PDE3A: variants seen among roughly 807,000 people sequenced by gnomAD.
PDE3A encodes the protein phosphodiesterase 3A.
PDE3A carries 43 observed loss-of-function variants against 98.3 expected under a neutral mutation model. The observed-to-expected ratio is 0.44, with a 90% CI of 0.34 to 0.56. The LOEUF is 0.56. PDE3A is among the 20% of genes least tolerant of loss of function. PDE3A has a pLI of 0.01. For synonymous variants in PDE3A, 663 were observed against 567.9 expected (o/e 1.17, Z -2.38); for missense variants, 1,427 against 1,440.7 (o/e 0.99, Z 0.15).
intron 1 of PDE3A, among the ~76,000 whole-genome samples, chr12:20,508,762 A>G (rs1946163921): frequency 6.6e-6 from 1 of 150,994 alleles, no homozygotes. Flanking sequence ...CAATTTTCTG[A>G]TTCTTTTTGT....
At chr12:20,460,560 G>C (rs910588016) in intron 1 of PDE3A, among the ~76,000 whole-genome samples, 2 of 152,124 alleles carry the variant, frequency 1.3e-5, no homozygotes, top group Non-Finnish European at 2.9e-5. Flanking sequence ...TAAGCTTTTG[G>C]AATAATATGA....
chr12:20,413,319 G>A (rs10770651), intron 1 of PDE3A, among the ~76,000 whole-genome samples: 93,909 of 152,026 alleles, frequency 0.62, 30,788 homozygotes, highest in East Asian at 0.88. Flanking sequence ...GCAAGCTTGT[G>A]CAACCCACCA....
chr12:20,636,691 C>T (rs34944086), intron 8 of PDE3A, among the ~76,000 whole-genome samples: 33,130 of 152,014 alleles, frequency 0.22, 3,780 homozygotes, highest in Middle Eastern at 0.27. Context: ...AGGGAACCCT[C>T]ATCTCAGAAA....
intron 1 of PDE3A, among the ~76,000 whole-genome samples, chr12:20,515,617 G>A (rs1016951686): frequency 7.9e-5 from 12 of 152,196 alleles, no homozygotes; most frequent in Non-Finnish European, 2.9e-5. Flanking sequence ...CACTGGACAC[G>A]TGGAGTATTC....
chr12:20,642,903 A>T (rs1944677103), intron 10 of PDE3A, among the ~76,000 whole-genome samples: 1 of 152,232 alleles, frequency 6.6e-6, no homozygotes, highest in East Asian at 1.9e-4. Flanking sequence ...GCATAGGAGC[A>T]TAGACAAAAT....
intron 1 of PDE3A, among the ~76,000 whole-genome samples, chr12:20,554,694 C>T (rs1942320858): frequency 6.6e-6 from 1 of 151,816 alleles, no homozygotes; most frequent in Non-Finnish European, 1.5e-5. Context: ...TCAAGCGATT[C>T]TCCTGCCTCA....
chr12:20,636,038 G>A (rs1361488720), intron 8 of PDE3A, among the ~76,000 whole-genome samples: 1 of 152,138 alleles, frequency 6.6e-6, no homozygotes, highest in Non-Finnish European at 1.5e-5. Context: ...AGAAAAGAAA[G>A]ATGAAGGAAG....
chr12:20,523,834 GA>G (rs1195930443), intron 1 of PDE3A, among the ~76,000 whole-genome samples: 1 of 152,208 alleles, frequency 6.6e-6, no homozygotes, highest in Non-Finnish European at 1.5e-5. Flanking sequence ...TCACTTCGTA[GA>G]AAAGTTCTTT....
chr12:20,457,090 C>T (rs1591952349), intron 1 of PDE3A, among the ~76,000 whole-genome samples: 1 of 72,400 alleles, frequency 1.4e-5, no homozygotes, highest in Admixed American at 1.3e-4. Flanking sequence ...ATAAAACAAA[C>T]AAAACCTGAC....
rs1945906073 is a variant in PDE3A at position 20,684,747 on chromosome 12, A to T, written c.*4476A>T. 6.6e-6 allele frequency among the ~76,000 whole-genome samples: 1 copy of T among 152,256 alleles called. No individual in the cohort carries two copies. Among genetic ancestry groups the T allele is most frequent in the East Asian group, 1.9e-4 (1 of 5,198 alleles). On this transcript the variant is annotated 3_prime_UTR_variant, in exon 16 of 16. Coordinates refer to ENST00000359062, the MANE Select transcript of PDE3A (RefSeq NM_000921.5). ...CAAGATTAAATTGTTCTTTTTAAGA[A>T]ATATATCAGTTTTAGGTCCTATGTT...
At chr12:20,587,023 T>C (rs1943215004) in intron 2 of PDE3A, among the ~76,000 whole-genome samples, 1 of 152,172 alleles carries the variant, frequency 6.6e-6, no homozygotes, top group Non-Finnish European at 1.5e-5. Context: ...GGTATTGTAT[T>C]TATCTTTTCC....
At chr12:20,633,623 A>G (rs531879481) in intron 6 of PDE3A, 70 bp from the exon 7 acceptor site, 2 of 726,998 alleles carry the variant, frequency 2.8e-6, no homozygotes, top group South Asian at 1.9e-5. Context: ...TAATGTATAC[A>G]TAGATGGTAT....
intron 2 of PDE3A, among the ~76,000 whole-genome samples, chr12:20,605,803 T>C (rs759775348): frequency 2.6e-5 from 4 of 152,242 alleles, no homozygotes; most frequent in Admixed American, 6.5e-5. Context: ...TCAAGTTTCA[T>C]GTAGACTTAC....
chr12:20,384,776 G>T (rs1167172343), intron 1 of PDE3A, among the ~76,000 whole-genome samples: 1 of 152,022 alleles, frequency 6.6e-6, no homozygotes, highest in East Asian at 1.9e-4. Flanking sequence ...GTGAAAACAT[G>T]TGGTGTTTGG....
chr12:20,412,833 T>A (rs1346015880), intron 1 of PDE3A, among the ~76,000 whole-genome samples: 2 of 152,202 alleles, frequency 1.3e-5, no homozygotes, highest in Non-Finnish European at 2.9e-5. Context: ...TTTACCAGCT[T>A]GGCCTTAATT....
rs1244083810 is a variant in PDE3A, at chr12:20,684,609, C to T, written c.*4338C>T. Among the ~76,000 whole-genome samples, 1 of 152,120 alleles carries T rather than the reference C, an allele frequency of 6.6e-6. No homozygotes were observed. The highest frequency in any genetic ancestry group is 1.5e-5 in the Non-Finnish European group (1 of 68,022). ...AGCAACACATTTTATGACCATTGTC[C>T]TAGGTCGTTTGTGTCTTTATGAATT... On this transcript the variant is annotated 3_prime_UTR_variant, in exon 16 of 16. Transcript: ENST00000359062.
intron 2 of PDE3A, among the ~76,000 whole-genome samples, chr12:20,591,266 G>A (rs2121377056): frequency 6.6e-6 from 1 of 152,256 alleles, no homozygotes; most frequent in East Asian, 1.9e-4. Context: ...CATATGTTGG[G>A]CAGTGCTACA....
chr12:20,477,707 G>A lies in PDE3A; in HGVS notation c.961-78953G>A, dbSNP rs143390932. ...AAAGGAATACTATCATGTATAAGAC[G>A]AAGAAAACTAGAAAGATTTCTTTTT... On this transcript the variant is annotated intron_variant, in intron 1 of 15. Transcript: ENST00000359062. Among the ~76,000 whole-genome samples, 386 of 152,214 alleles carry A rather than the reference G, an allele frequency of 2.5e-3. 3 individuals are homozygous for A. The highest frequency in any genetic ancestry group is 8.9e-3 in the African/African-American group (368 of 41,536).
At chr12:20,415,494 T>TACTGCAACCACCAGCTC (rs1293775111) in intron 1 of PDE3A, among the ~76,000 whole-genome samples, 1 of 152,110 alleles carries the variant, frequency 6.6e-6, no homozygotes, top group East Asian at 1.9e-4. Flanking sequence ...GATTTCAGCT[T>TACTGCAACCACCAGCTC]ACTGCAACCA....
Sources: gnomAD v4.1 joint callset for allele counts (sites outside exome capture counted in the v4.1 genomes callset) on GRCh38, gnomAD v4.1.1 for gene constraint, MANE v1.5 for transcripts, NCBI Gene and HGNC (gene_info 2026-07-23, HGNC 2026-07-21) for gene names.